MYO3B: variants seen among roughly 807,000 people sequenced by gnomAD.
MYO3B encodes myosin-IIIb.
A neutral mutation model predicts 174.6 loss-of-function variants in MYO3B; 156 were observed. That is an observed-to-expected ratio of 0.89 (90% CI 0.78 to 1.02). MYO3B has a LOEUF of 1.02. MYO3B is among the 50% of genes least tolerant of loss of function. The pLI, the probability that MYO3B is intolerant of heterozygous loss-of-function variation, is 0.00. For synonymous variants in MYO3B, 563 were observed against 569.1 expected (o/e 0.99, Z 0.15); for missense variants, 1,632 against 1,639.4 (o/e 1.00, Z 0.08).
intron 23 of MYO3B, among the ~76,000 whole-genome samples, chr2:170,461,790 AAG>A (rs938204455): frequency 6.6e-6 from 1 of 151,648 alleles, no homozygotes; most frequent in African/African-American, 2.4e-5. Context: ...AAAAAAAAAA[AAG>A]AAGTGGTGGA....
chr2:170,483,404 T>G (rs868098342), intron 25 of MYO3B, among the ~76,000 whole-genome samples: 4 of 120,198 alleles, frequency 3.3e-5, no homozygotes, highest in Non-Finnish European at 3.3e-5. Context: ...TTTTTTTTTT[T>G]GAGACGGAGT....
rs569697238 is a variant in MYO3B, at chr2:170,283,548, C to T, written c.749+47412C>T. On this transcript the variant is annotated intron_variant, in intron 7 of 34. Coordinates refer to ENST00000408978, the MANE Select transcript of MYO3B (RefSeq NM_138995.5). Reference sequence around the variant, plus strand: ...ATGATGCTCTTTCCTGTTAGAATATCTCCTTTTGCTCTTAACTGTGGTTAT... The same window carrying T: ...ATGATGCTCTTTCCTGTTAGAATATTTCCTTTTGCTCTTAACTGTGGTTAT... Among the ~76,000 whole-genome samples the T allele has an allele frequency of 5.9e-5, 9 of 152,308 alleles. No individual in the cohort carries two copies. In the South Asian group the frequency reaches 1.9e-3, roughly 32 times the overall value.
At chr2:170,548,620 A>T (rs1208645160) in intron 32 of MYO3B, among the ~76,000 whole-genome samples, 1 of 152,192 alleles carries the variant, frequency 6.6e-6, no homozygotes, top group Non-Finnish European at 1.5e-5. Context: ...GAAATGAGAT[A>T]GTCTGTGTAA....
Position 170,287,075 on chromosome 2 carries a change from T to A in MYO3B, c.750-48310T>A, listed in dbSNP as rs1263630508. 5.3e-5 allele frequency among the ~76,000 whole-genome samples: 8 copies of A among 152,184 alleles called. No homozygotes were observed. The East Asian group carries it at 1.3e-3, about 26-fold the overall frequency. On this transcript the variant is annotated intron_variant, in intron 7 of 34. Coordinates refer to ENST00000408978, the MANE Select transcript of MYO3B (RefSeq NM_138995.5). ...GACAGGATTTCATTCTGTTTATGGC[T>A]GAATAATATTCCATTGTGTATGTCT... is the stretch of plus-strand genomic sequence containing the variant.
intron 32 of MYO3B, among the ~76,000 whole-genome samples, chr2:170,588,162 T>A (rs1268826250): frequency 6.6e-6 from 1 of 152,080 alleles, no homozygotes; most frequent in Non-Finnish European, 1.5e-5. Flanking sequence ...ACAGGCTTGG[T>A]GACTCACTTC....
intron 7 of MYO3B, among the ~76,000 whole-genome samples, chr2:170,271,934 C>CTT (rs2093427919): frequency 6.6e-6 from 1 of 151,952 alleles, no homozygotes; most frequent in Non-Finnish European, 1.5e-5. Flanking sequence ...ATTCAGGTTT[C>CTT]AGTATATAAT....
chr2:170,194,023 GTTC>G (rs961503713), intron 1 of MYO3B, among the ~76,000 whole-genome samples: 2 of 152,014 alleles, frequency 1.3e-5, no homozygotes, highest in Non-Finnish European at 2.9e-5. Context: ...AATGGGTTCA[GTTC>G]TTCTTATCAG....
chr2:170,336,853 G>C (rs1250706046), intron 8 of MYO3B, among the ~76,000 whole-genome samples: 1 of 152,048 alleles, frequency 6.6e-6, no homozygotes, highest in African/African-American at 2.4e-5. Flanking sequence ...ATAGTTCAGG[G>C]TCCCTGAATT....
chr2:170,408,605 TAGCA>T (rs2094526094), intron 22 of MYO3B: 1 of 152,278 alleles, frequency 6.6e-6, no homozygotes, highest in African/African-American at 2.4e-5. Flanking sequence ...GGTCTGGAAA[TAGCA>T]GTGGGCATGC....
chr2:170,454,577 A>G (rs2105935817), intron 23 of MYO3B, among the ~76,000 whole-genome samples: 1 of 152,330 alleles, frequency 6.6e-6, no homozygotes, highest in African/African-American at 2.4e-5. Flanking sequence ...CTAATCCAAG[A>G]GAACTAGGTG....
intron 6 of MYO3B, among the ~76,000 whole-genome samples, chr2:170,231,958 G>A (rs2093020138): frequency 6.6e-6 from 1 of 152,166 alleles, no homozygotes; most frequent in Admixed American, 6.5e-5. Context: ...TTTGTTTTCA[G>A]ATGTGAAAGG....
intron 9 of MYO3B, among the ~76,000 whole-genome samples, chr2:170,371,501 T>C (rs1399079398): frequency 6.6e-6 from 1 of 152,110 alleles, no homozygotes; most frequent in Non-Finnish European, 1.5e-5. Flanking sequence ...GGAAAATTAA[T>C]TCCAAAGGAA....
intron 6 of MYO3B, among the ~76,000 whole-genome samples, chr2:170,226,556 ATAGTTCCCTC>A (rs1278498820): frequency 3.3e-5 from 5 of 152,172 alleles, no homozygotes; most frequent in Admixed American, 1.3e-4. Context: ...AGCTCCAGCG[ATAGTTCCCTC>A]TCAGCTGGAG....
chr2:170,322,930 C>T (rs1280579819), intron 7 of MYO3B, among the ~76,000 whole-genome samples: 1 of 152,144 alleles, frequency 6.6e-6, no homozygotes, highest in African/African-American at 2.4e-5. Context: ...TCTGATGGTA[C>T]AATCTGTTCA....
chr2:170,526,342 A>C (rs1688997156), intron 30 of MYO3B, among the ~76,000 whole-genome samples: 1 of 152,232 alleles, frequency 6.6e-6, no homozygotes, highest in South Asian at 2.1e-4. Context: ...AAGTAGCAGC[A>C]ATAATAGTAG....
intron 32 of MYO3B, among the ~76,000 whole-genome samples, chr2:170,648,691 T>A (rs565681830): frequency 1.6e-3 from 196 of 119,342 alleles, no homozygotes; most frequent in Non-Finnish European, 1.7e-3. Context: ...TATTATATTC[T>A]ATATAATATA....
chr2:170,555,891 T>C lies in MYO3B; in HGVS notation c.3733+11903T>C, dbSNP rs116300101. 5.0e-3 allele frequency among the ~76,000 whole-genome samples: 572 copies of C among 114,682 alleles called. 2 individuals carry two copies. The highest frequency in any genetic ancestry group is 0.016 in the African/African-American group (525 of 32,712). 75.2% of individuals were successfully genotyped at this position (114,682 alleles called of 152,430 possible). ...TATCTCTAAAATAATAATAATAATA[T>C]GCATTTAAGATTCCTCCATGTCGGC... On this transcript the variant is annotated intron_variant, in intron 32 of 34. Transcript: ENST00000408978.
chr2:170,587,326 C>T (rs184693734), intron 32 of MYO3B, among the ~76,000 whole-genome samples: 20 of 152,310 alleles, frequency 1.3e-4, no homozygotes, highest in Middle Eastern at 3.4e-3. Context: ...GCATCATTTT[C>T]TCTTGTGCTT....
At chr2:170,601,690 T>G in intron 32 of MYO3B, 1 of 1,528,924 alleles carries the variant, frequency 6.5e-7, no homozygotes, top group Non-Finnish European at 9.0e-7. Context: ...TTTCTTGCTT[T>G]TTTCAGCCTT....
Sources: allele counts gnomAD v4.1 joint callset (sites outside exome capture counted in the v4.1 genomes callset), GRCh38; gene constraint gnomAD v4.1.1; transcripts MANE v1.5; gene names NCBI Gene and HGNC (gene_info 2026-07-23, HGNC 2026-07-21).